The following PSMD11 variants were observed in gnomAD, a reference collection of about 807,000 sequenced individuals.
PSMD11 encodes the protein proteasome 26S subunit, non-ATPase 11, also known as 26S proteasome non-ATPase regulatory subunit 11.
A neutral mutation model predicts 62.3 loss-of-function variants in PSMD11; 5 were observed. That is an observed-to-expected ratio of 0.08 (90% confidence interval 0.04 to 0.17). PSMD11 has a LOEUF of 0.17. Ranked by LOEUF, PSMD11 falls within the 10% of genes least tolerant of loss-of-function variation. The probability of loss-of-function intolerance (pLI) is 1.00; values close to 1 mark genes in which losing one functional copy is unlikely to be tolerated. For synonymous variants in PSMD11, 191 were observed against 191.8 expected, an observed-to-expected ratio of 1.00 and a Z score of 0.03; for missense variants, 310 against 512.9, an observed-to-expected ratio of 0.60 and a Z score of 3.82.
chr17:32,454,883 G>A (rs2150830646), intron 3 of PSMD11: 3 of 344,162 alleles, frequency 8.7e-6, no homozygotes, highest in South Asian at 6.8e-5. Context: ...TTGAGGTATT[G>A]TATTGCCACA....
At position 32,480,804 on chromosome 17, in the gene PSMD11, C is replaced by T; in HGVS notation, c.*52C>T. On this transcript the variant is annotated 3_prime_UTR_variant, in exon 14 of 14. Coordinates refer to ENST00000261712, the MANE Select transcript of PSMD11 (RefSeq NM_002815.4). ...GAGTGTGTGTGGCGGGAGAGTGAAA[C>T]CTTGGGGGAAAATGCTAGGAGATTC... The T allele has an allele frequency of 4.5e-6, 3 of 661,206 alleles. No homozygotes were observed. The highest frequency in any genetic ancestry group is 7.1e-6 in the Non-Finnish European group (3 of 424,486). The allele number at this position is 661,206 out of a possible 1,614,324, so 41.0% of individuals were successfully genotyped here. A position where few individuals can be genotyped will look rare whatever the true frequency, so the allele number is the denominator to read the frequency against.
intron 1 of PSMD11, chr17:32,445,504 C>G (rs1402174218): frequency 6.6e-6 from 1 of 152,220 alleles, no homozygotes; most frequent in Non-Finnish European, 1.5e-5. Context: ...GGAATCCCAG[C>G]CAGTCGCTTC....
intron 3 of PSMD11, among the ~76,000 whole-genome samples, chr17:32,456,782 C>A (rs1000372440): frequency 3.3e-5 from 5 of 152,160 alleles, no homozygotes; most frequent in Non-Finnish European, 7.3e-5. Flanking sequence ...CTGCCTGCCT[C>A]GGCCTCCCAA....
intron 3 of PSMD11, among the ~76,000 whole-genome samples, chr17:32,461,406 A>G (rs1465272401): frequency 6.6e-6 from 1 of 152,062 alleles, no homozygotes; most frequent in Non-Finnish European, 1.5e-5. Context: ...AAACCTCTCT[A>G]CTAAAAATAC....
At chr17:32,448,027 C>T (rs977454372) in intron 2 of PSMD11, among the ~76,000 whole-genome samples, 73 of 151,402 alleles carry the variant, frequency 4.8e-4, no homozygotes, top group Non-Finnish European at 4.6e-4. Context: ...ATTACAGGCA[C>T]GCGCCACCAA....
chr17:32,464,606 A>T (rs1168078657), intron 5 of PSMD11, 28 bp downstream of exon 5: 1 of 1,556,408 alleles, frequency 6.4e-7, no homozygotes. Context: ...AAGTCATCTC[A>T]GCTAGCTAAA....
At chr17:32,450,099 T>A (rs1024891827) in intron 2 of PSMD11, among the ~76,000 whole-genome samples, 3 of 152,120 alleles carry the variant, frequency 2.0e-5, no homozygotes, top group African/African-American at 7.2e-5. Flanking sequence ...TGGCTGGAAC[T>A]ACAGGCGCCC....
intron 1 of PSMD11, 146 bp from the exon 2 acceptor site, chr17:32,446,799 T>G (rs1358110277): frequency 1.8e-6 from 1 of 557,830 alleles, no homozygotes; most frequent in Non-Finnish European, 3.1e-6. Context: ...TTTTCCTGGC[T>G]TAGAGTTTTT....
chr17:32,456,721 T>G (rs779150656), intron 3 of PSMD11, among the ~76,000 whole-genome samples: 1 of 152,204 alleles, frequency 6.6e-6, no homozygotes, highest in Non-Finnish European at 1.5e-5. Context: ...TTAGGAGAGA[T>G]GGGGTTTCAC....
At chr17:32,474,048 A>G in intron 7 of PSMD11, 103 bp downstream of exon 7, 1 of 1,418,716 alleles carries the variant, frequency 7.0e-7, no homozygotes, top group Non-Finnish European at 9.7e-7. Flanking sequence ...AGTTACAGAA[A>G]CAGCAGCAGC....
At chr17:32,465,530 T>A (rs1907969050) in intron 5 of PSMD11, among the ~76,000 whole-genome samples, 1 of 152,168 alleles carries the variant, frequency 6.6e-6, no homozygotes, top group South Asian at 2.1e-4. Context: ...ACTGCAAAAG[T>A]GGCAATTTCA....
chr17:32,460,117 G>A (rs1386275757), intron 3 of PSMD11, among the ~76,000 whole-genome samples: 1 of 152,050 alleles, frequency 6.6e-6, no homozygotes, highest in Non-Finnish European at 1.5e-5. Context: ...TGGGGTGCAG[G>A]GTGCAATCGT....
chr17:32,480,807 T>TG lies in PSMD11; in HGVS notation c.*60dup. ...TGTGTGTGGCGGGAGAGTGAAACCTTGGGGGAAAATGCTAGGAGATTCTTT... is the reference window on the plus strand; with the variant it reads ...TGTGTGTGGCGGGAGAGTGAAACCTTGGGGGGAAAATGCTAGGAGATTCTTT... On this transcript the variant is annotated 3_prime_UTR_variant, in exon 14 of 14. Transcript: ENST00000261712. 1.6e-6 allele frequency: 1 copy of TG among 633,926 alleles called. No individual in the cohort carries two copies. The highest frequency in any genetic ancestry group is 2.9e-5 in the East Asian group (1 of 34,616). The allele number at this position is 633,926 out of a possible 1,614,324, so 39.3% of individuals were successfully genotyped here. A position where few individuals can be genotyped will look rare whatever the true frequency, so the allele number is the denominator to read the frequency against.
At chr17:32,462,569 AATAC>A (rs1907872932) in intron 3 of PSMD11, among the ~76,000 whole-genome samples, 3 of 152,220 alleles carry the variant, frequency 2.0e-5, no homozygotes, top group African/African-American at 7.2e-5. Flanking sequence ...GAATCCTCTG[AATAC>A]TGTGTAATGT....
intron 5 of PSMD11, among the ~76,000 whole-genome samples, chr17:32,466,414 A>G (rs1907994942): frequency 6.6e-6 from 1 of 152,218 alleles, no homozygotes; most frequent in Admixed American, 6.5e-5. Flanking sequence ...TAAAAATGAA[A>G]TGATACAATA....
chr17:32,469,979 T>C (rs1908113565), intron 6 of PSMD11, among the ~76,000 whole-genome samples: 1 of 152,118 alleles, frequency 6.6e-6, no homozygotes, highest in Non-Finnish European at 1.5e-5. Flanking sequence ...AATGTTTGTG[T>C]TGAATGAGTG....
rs935098261 is a variant in PSMD11, at chr17:32,482,975, G to A, written c.*2223G>A. The stretch of plus-strand genomic sequence containing the variant: ...AAAGGACTTTAAAAAGTACTCCAAA[G>A]AGATCTAGTTTTGGAGTAGAGGGGA... On this transcript the variant is annotated 3_prime_UTR_variant, in exon 14 of 14. Coordinates refer to ENST00000261712, the MANE Select transcript of PSMD11 (RefSeq NM_002815.4). 7 of 152,314 alleles carry A rather than the reference G, an allele frequency of 4.6e-5. No homozygotes were observed. Among genetic ancestry groups the A allele is most frequent in the Non-Finnish European group, 1.0e-4 (7 of 68,032 alleles). 9.4% of individuals were successfully genotyped at this position (152,314 alleles called of 1,614,324 possible).
intron 5 of PSMD11, 45 bp downstream of exon 5, chr17:32,464,623 T>C: frequency 6.8e-7 from 1 of 1,466,138 alleles, no homozygotes; most frequent in African/African-American, 1.4e-5. Context: ...TAAATGAATG[T>C]ATTCTAAACC....
In PSMD11 at chr17:32,482,503, A is replaced by C. The variant is rs1908528720; in HGVS notation, c.*1751A>C. Reference sequence around the variant, plus strand: ...TCTCATTTGTGTAATGGGAGTCCTTAAGGTAAATTTGGGGTCCAAACTTGG... The same window carrying C: ...TCTCATTTGTGTAATGGGAGTCCTTCAGGTAAATTTGGGGTCCAAACTTGG... On this transcript the variant is annotated 3_prime_UTR_variant, in exon 14 of 14. Transcript: ENST00000261712. The C allele has an allele frequency of 6.6e-6, 1 of 152,244 alleles. No homozygotes were observed. Among genetic ancestry groups the C allele is most frequent in the Non-Finnish European group, 1.5e-5 (1 of 68,138 alleles). 9.4% of individuals were successfully genotyped at this position (152,244 alleles called of 1,614,324 possible).
Sources: allele counts gnomAD v4.1 joint callset (sites outside exome capture counted in the v4.1 genomes callset), GRCh38; gene constraint gnomAD v4.1.1; transcripts MANE v1.5; gene names NCBI Gene and HGNC (gene_info 2026-07-23, HGNC 2026-07-21).